The following DOCK8 variants were observed in gnomAD, a reference collection of about 807,000 sequenced individuals.
DOCK8 encodes the protein dedicator of cytokinesis 8, also known as dedicator of cytokinesis protein 8.
A neutral mutation model predicts 245.6 loss-of-function variants in DOCK8; 141 were observed. The observed-to-expected ratio is 0.57, with a 90% CI of 0.50 to 0.66. The LOEUF is 0.66. Ranked by LOEUF, DOCK8 falls within the 30% of genes least tolerant of loss-of-function variation. The pLI is 0.00. For missense variants in DOCK8, 2,965 were observed against 2,603.4 expected, an observed-to-expected ratio of 1.14 and a Z score of -3.02; for synonymous variants, 1,168 against 970.2, an observed-to-expected ratio of 1.20 and a Z score of -3.79.
chr9:449,867 G>A lies in DOCK8; in HGVS notation c.5901G>A (p.Pro1967=), dbSNP rs763449692. 6 of 1,613,752 alleles carry A rather than the reference G, an allele frequency of 3.7e-6. No individual in the cohort carries two copies. Among genetic ancestry groups the A allele is most frequent in the African/African-American group, 1.3e-5 (1 of 75,016 alleles). The change falls in exon 45 of 48, where the codon CCG becomes CCA. Residue 1967 remains proline, a synonymous_variant. Coordinates refer to ENST00000432829, the MANE Select transcript of DOCK8 (RefSeq NM_203447.4). ...TAGCAGTTGCCATTAACCAGGAGCCGCCTGATGCAAAGATGCTTCAGATGG... is the reference window on the plus strand; with the variant it reads ...TAGCAGTTGCCATTAACCAGGAGCCACCTGATGCAAAGATGCTTCAGATGG... The part of the protein sequence containing the change: ...LQLAVAINQE[P]PDAKMLQMVL...
At chr9:444,188 G>A (rs1369252768) in intron 43 of DOCK8, among the ~76,000 whole-genome samples, 1 of 151,912 alleles carries the variant, frequency 6.6e-6, no homozygotes, top group East Asian at 1.9e-4. Flanking sequence ...GCTCCCACAG[G>A]GTAAAGGCTC....
At chr9:334,847 C>A (rs1273914610) in intron 11 of DOCK8, among the ~76,000 whole-genome samples, 3 of 152,054 alleles carry the variant, frequency 2.0e-5, no homozygotes, top group Non-Finnish European at 4.4e-5. Flanking sequence ...TTTGGGAGGC[C>A]GAGGTAGGCG....
chr9:418,010 G>T, intron 29 of DOCK8, 58 bp from the exon 30 acceptor site: 2 of 1,611,130 alleles, frequency 1.2e-6, no homozygotes, highest in South Asian at 1.1e-5. Flanking sequence ...TTATTGGGTA[G>T]GGGACATGGG....
At chr9:255,641 C>A (rs1403961357) in intron 1 of DOCK8, among the ~76,000 whole-genome samples, 1 of 128,008 alleles carries the variant, frequency 7.8e-6, no homozygotes, top group Middle Eastern at 4.6e-3. Context: ...GCACTCCAGC[C>A]TGGGGGATAG....
chr9:295,150 A>G (rs1173477055), intron 4 of DOCK8, among the ~76,000 whole-genome samples: 1 of 151,758 alleles, frequency 6.6e-6, no homozygotes, highest in Non-Finnish European at 1.5e-5. Flanking sequence ...ACAAAGTGAG[A>G]TTCTGTCTTA....
chr9:419,556 CTAAAGT>C lies in DOCK8; in HGVS notation c.3841-837_3841-832del, dbSNP rs2056188277. On this transcript the variant is annotated intron_variant, in intron 30 of 47. Transcript: ENST00000432829. ...ATTCTTGTCAACAAACTCAGAATAACTAAAGTTAAAGTTGCTTTATAACCTCTATTA... is the reference window on the plus strand; with the variant it reads ...ATTCTTGTCAACAAACTCAGAATAACTAAAGTTGCTTTATAACCTCTATTA... Among the ~76,000 whole-genome samples, 3 of 152,186 alleles carry C rather than the reference CTAAAGT, an allele frequency of 2.0e-5. 1 individual carries two copies. The highest frequency in any genetic ancestry group is 2.0e-4 in the Admixed American group (3 of 15,280).
At chr9:294,036 C>T (rs2049154223) in intron 4 of DOCK8, among the ~76,000 whole-genome samples, 3 of 152,084 alleles carry the variant, frequency 2.0e-5, no homozygotes, top group Admixed American at 2.0e-4. Flanking sequence ...AAATATTTGT[C>T]TATTTATATT....
intron 1 of DOCK8, among the ~76,000 whole-genome samples, chr9:263,212 G>GAAAAA (rs34966635): frequency 6.9e-6 from 1 of 145,080 alleles, no homozygotes. Context: ...ATCTCAAAAG[G>GAAAAA]AAAAAAAAAA....
intron 14 of DOCK8, among the ~76,000 whole-genome samples, chr9:352,295 A>G (rs1397531519): frequency 6.6e-6 from 1 of 152,150 alleles, no homozygotes; most frequent in African/African-American, 2.4e-5. Flanking sequence ...ACTATTAAGC[A>G]TGATCCTCAC....
At chr9:357,268 C>A (rs1024078982) in intron 14 of DOCK8, among the ~76,000 whole-genome samples, 3 of 152,104 alleles carry the variant, frequency 2.0e-5, no homozygotes, top group Non-Finnish European at 4.4e-5. Flanking sequence ...ATCATAGCAG[C>A]TATATTTAAT....
At chr9:252,163 G>A (rs1376614923) in intron 1 of DOCK8, among the ~76,000 whole-genome samples, 2 of 151,616 alleles carry the variant, frequency 1.3e-5, no homozygotes, top group East Asian at 2.0e-4. Context: ...TAACATAGAC[G>A]GGGGTCTCAC....
In DOCK8 at chr9:389,933, G is replaced by A. The variant is rs371286220; in HGVS notation, c.2875-538G>A. Among the ~76,000 whole-genome samples, 398 of 152,196 alleles carry A rather than the reference G, an allele frequency of 2.6e-3. 5 individuals carry two copies. Among genetic ancestry groups the A allele is most frequent in the African/African-American group, 9.1e-3 (376 of 41,526 alleles). ...CCAGCTACTTGGGACTAAAGTAGGTGGGAGGATTGCTTGAGCCAGGGAAGT... is the reference window on the plus strand; with the variant it reads ...CCAGCTACTTGGGACTAAAGTAGGTAGGAGGATTGCTTGAGCCAGGGAAGT... On this transcript the variant is annotated intron_variant, in intron 23 of 47. Transcript: ENST00000432829.
At chr9:312,718 AC>A (rs1397114667) in intron 6 of DOCK8, 1 of 338,774 alleles carries the variant, frequency 3.0e-6, no homozygotes, top group Non-Finnish European at 5.7e-6. Flanking sequence ...CTGACTGACA[AC>A]AATAGGATAA....
chr9:403,866 C>G (rs79567456), intron 26 of DOCK8, among the ~76,000 whole-genome samples: 245 of 49,798 alleles, frequency 4.9e-3, no homozygotes, highest in African/African-American at 0.016. Flanking sequence ...GTATCTCTCT[C>G]TCTCTCTCTC....
At position 429,807 on chromosome 9, in the gene DOCK8, T is replaced by C. The variant is rs1440594528; in HGVS notation, c.4579T>C (p.Cys1527Arg). The change falls in exon 36 of 48, where the codon TGT becomes CGT. Residue 1527 changes from cysteine to arginine, a missense_variant. Coordinates refer to ENST00000432829, the MANE Select transcript of DOCK8 (RefSeq NM_203447.4). The part of the protein sequence containing the change: ...SSMDVTRSQA[C>R]ATLYLLMRFS... ...CATGGATGTCACCCGGAGCCAAGCCTGTGCCACCCTTTACCTCCTCATGAG... is the reference window on the plus strand; with the variant it reads ...CATGGATGTCACCCGGAGCCAAGCCCGTGCCACCCTTTACCTCCTCATGAG... The C allele has an allele frequency of 6.2e-7, 1 of 1,614,244 alleles. No individual in the cohort carries two copies. The highest frequency in any genetic ancestry group is 1.3e-5 in the African/African-American group (1 of 75,070).
At chr9:269,370 T>TG (rs1447683699) in intron 1 of DOCK8, among the ~76,000 whole-genome samples, 1 of 152,186 alleles carries the variant, frequency 6.6e-6, no homozygotes, top group Non-Finnish European at 1.5e-5. Flanking sequence ...ATTTATGTTG[T>TG]GGTGTATATA....
At chr9:237,110 A>G (rs2047269748) in intron 1 of DOCK8, among the ~76,000 whole-genome samples, 1 of 152,244 alleles carries the variant, frequency 6.6e-6, no homozygotes, top group African/African-American at 2.4e-5. Context: ...GCCCAGTCAC[A>G]AAGAAAAAGC....
At chr9:295,014 G>C (rs1289240992) in intron 4 of DOCK8, among the ~76,000 whole-genome samples, 4 of 152,134 alleles carry the variant, frequency 2.6e-5, no homozygotes, top group African/African-American at 9.7e-5. Flanking sequence ...ACAAAAATTA[G>C]CTGGGCGTGG....
rs145010074 is a variant in DOCK8, at chr9:451,890, TATGCATATACATATAC to T, written c.5962-118_5962-103del. 191,340 of 291,008 alleles carry T rather than the reference TATGCATATACATATAC, an allele frequency of 0.66. 67,247 individuals carry two copies. Among genetic ancestry groups the T allele is most frequent in the East Asian group, 0.98 (15,156 of 15,518 alleles). The allele number at this position is 291,008 out of a possible 1,614,324, so 18.0% of individuals were successfully genotyped here. ...GTGTGTGTATATATATATACATATATATGCATATACATATACATATGCATATACATATATATGTATG... is the reference window on the plus strand; with the variant it reads ...GTGTGTGTATATATATATACATATATATATGCATATACATATATATGTATG... On this transcript the variant is annotated intron_variant, in intron 45 of 47. Transcript: ENST00000432829.
Sources: gnomAD v4.1 joint callset for allele counts (sites outside exome capture counted in the v4.1 genomes callset) on GRCh38, gnomAD v4.1.1 for gene constraint, MANE v1.5 for transcripts, NCBI Gene and HGNC (gene_info 2026-07-23, HGNC 2026-07-21) for gene names.